Variants in C1D observed in about 807,000 individuals in gnomAD.
C1D encodes C1D nuclear receptor corepressor.
Under a neutral mutation model 17.5 loss-of-function variants are expected in C1D, and 10 were observed. The ratio of observed to expected loss-of-function variants is 0.57; its 90% CI spans 0.35 to 0.97. The LOEUF is 0.97. Ranked by LOEUF, C1D falls within the 50% of genes least tolerant of loss-of-function variation. The pLI is 0.01. For synonymous variants in C1D, 49 were observed against 54.0 expected (o/e 0.91, Z 0.40); for missense variants, 136 against 160.1 (o/e 0.85, Z 0.81).
intron 2 of C1D, 193 bp from the exon 3 acceptor site, chr2:68,046,603 CTT>C: frequency 2.0e-6 from 1 of 507,698 alleles, no homozygotes; most frequent in Non-Finnish European, 3.5e-6. Context: ...TAATGAGTGA[CTT>C]TTGTCCACAC....
chr2:68,042,838 G>GGGC lies in C1D; in HGVS notation c.*50_*51insGCC, dbSNP rs1558579125. 2.6e-6 allele frequency: 1 copy of GGGC among 377,416 alleles called. No individual in the cohort carries two copies. The highest frequency in any genetic ancestry group is 5.0e-5 in the East Asian group (1 of 20,038). 23.4% of individuals were successfully genotyped at this position (377,416 alleles called of 1,614,324 possible). A position where few individuals can be genotyped will look rare whatever the true frequency, so the allele number is the denominator to read the frequency against. On this transcript the variant is annotated 3_prime_UTR_variant, in exon 5 of 5. Transcript: ENST00000410067. ...CACAGAATTATTTTGCGGGGGGGGG[G>GGGC]GGGGGGGGGAAGATGTACTTTTTGA...
At chr2:68,060,974 T>C (rs903163636) in intron 1 of C1D, among the ~76,000 whole-genome samples, 1 of 152,142 alleles carries the variant, frequency 6.6e-6, no homozygotes, top group Admixed American at 6.5e-5. Context: ...AATATCAGAT[T>C]ACAGTTTGAG....
rs1329490227 is a variant in C1D, at chr2:68,041,864, T to G, written c.*1025A>C. 2 of 151,990 alleles carry G rather than the reference T, an allele frequency of 1.3e-5. No individual in the cohort carries two copies. Among genetic ancestry groups the G allele is most frequent in the Admixed American group, 6.5e-5 (1 of 15,270 alleles). 9.4% of individuals were successfully genotyped at this position (151,990 alleles called of 1,614,324 possible). A position where few individuals can be genotyped will look rare whatever the true frequency, so the allele number is the denominator to read the frequency against. ...GGCATATAATTAAAATTCATGGGCT[T>G]AGACATTTAAAAAAAGGTTTACTAT... is the stretch of plus-strand genomic sequence containing the variant. On this transcript the variant is annotated 3_prime_UTR_variant, in exon 5 of 5. Coordinates refer to ENST00000410067, the MANE Select transcript of C1D (RefSeq NM_173177.3).
rs1258665638 is a variant in C1D at position 68,047,232 on chromosome 2, C to T, written c.79G>A (p.Ala27Thr). ...YLSAFENSIGAVDEMLKTMMS... is the reference protein window; with the variant it reads ...YLSAFENSIGTVDEMLKTMMS... ...ATGGTCTTCAGCATCTCATCCACAG[C>T]ACCAATGGAATTCTCAAACGCTGAC... The change falls in exon 2 of 5, where the codon GCT (alanine) becomes ACT (threonine). Residue 27 changes from alanine to threonine, a missense_variant. Coordinates refer to ENST00000410067, the MANE Select transcript of C1D (RefSeq NM_173177.3). The T allele has an allele frequency of 1.9e-6, 3 of 1,612,428 alleles. No individual in the cohort carries two copies. The highest frequency in any genetic ancestry group is 1.7e-6 in the Non-Finnish European group (2 of 1,179,382).
At chr2:68,044,369 G>A (rs981130434) in intron 4 of C1D, among the ~76,000 whole-genome samples, 1 of 152,090 alleles carries the variant, frequency 6.6e-6, no homozygotes, top group Non-Finnish European at 1.5e-5. Context: ...TGATACATAC[G>A]GCAAATAAGT....
chr2:68,060,997 A>G (rs1671613940), intron 1 of C1D, among the ~76,000 whole-genome samples: 1 of 152,252 alleles, frequency 6.6e-6, no homozygotes. Context: ...TACAGATACT[A>G]GAAAGTCACC....
At chr2:68,052,926 G>T (rs1671331498) in intron 1 of C1D, 2 of 1,198,158 alleles carry the variant, frequency 1.7e-6, no homozygotes, top group Admixed American at 5.4e-5. Flanking sequence ...CTGATTATGT[G>T]CCAGGCACTA....
At chr2:68,054,364 T>A (rs1354772644) in intron 1 of C1D, among the ~76,000 whole-genome samples, 1 of 152,180 alleles carries the variant, frequency 6.6e-6, no homozygotes, top group Non-Finnish European at 1.5e-5. Flanking sequence ...AAGAGAGTTA[T>A]GGCAAGAAAC....
intron 4 of C1D, among the ~76,000 whole-genome samples, chr2:68,044,790 T>G (rs566109180): frequency 6.6e-6 from 1 of 152,180 alleles, no homozygotes; most frequent in Non-Finnish European, 1.5e-5. Flanking sequence ...AGAATATTAA[T>G]GTACTACTTC....
Position 68,043,048 on chromosome 2 carries a change from T to C in C1D, c.267A>G (p.Arg89=). 1.3e-6 allele frequency: 2 copies of C among 1,583,016 alleles called. No homozygotes were observed. The highest frequency in any genetic ancestry group is 2.7e-5 in the African/African-American group (2 of 73,048). ...TGACTCTGTTCATATATACTCTGAT[T>C]CTTTCCTTAAAGATAAAAAACAAAG... ...KEHPVKQELE[R]IRVYMNRVKE... The change falls in exon 5 of 5, where the codon AGA becomes AGG. Residue 89 remains arginine, a synonymous_variant. Transcript: ENST00000410067.
intron 1 of C1D, among the ~76,000 whole-genome samples, chr2:68,051,423 C>T (rs945220277): frequency 6.6e-6 from 1 of 152,088 alleles, no homozygotes; most frequent in Non-Finnish European, 1.5e-5. Flanking sequence ...TCTGGGAGGT[C>T]AAGATGGAAG....
chr2:68,061,916 C>A (rs1049629208), intron 1 of C1D, among the ~76,000 whole-genome samples: 4 of 152,136 alleles, frequency 2.6e-5, no homozygotes. Flanking sequence ...TTTGAAAAAC[C>A]GTTATTCACA....
rs1343078134 is a variant in C1D, at chr2:68,042,838, GGGGGGGGGGA to G, written c.*41_*50del. On this transcript the variant is annotated 3_prime_UTR_variant, in exon 5 of 5. Coordinates refer to ENST00000410067, the MANE Select transcript of C1D (RefSeq NM_173177.3). ...CACAGAATTATTTTGCGGGGGGGGGGGGGGGGGGGAAGATGTACTTTTTGAATATGTGTAC... is the reference window on the plus strand; with the variant it reads ...CACAGAATTATTTTGCGGGGGGGGGGAGATGTACTTTTTGAATATGTGTAC... 10 of 377,366 alleles carry G rather than the reference GGGGGGGGGGA, an allele frequency of 2.6e-5. 1 individual carries two copies. Among genetic ancestry groups the G allele is most frequent in the South Asian group, 8.7e-5 (3 of 34,550 alleles). 23.4% of individuals were successfully genotyped at this position (377,366 alleles called of 1,614,324 possible). A position where few individuals can be genotyped will look rare whatever the true frequency, so the allele number is the denominator to read the frequency against.
rs1369727763 is a variant in C1D, at chr2:68,046,038, A to T, written c.211T>A (p.Leu71Met). The change falls in exon 4 of 5, where the codon TTG (leucine) becomes ATG (methionine). Residue 71 changes from leucine to methionine, a missense_variant. Coordinates refer to ENST00000410067, the MANE Select transcript of C1D (RefSeq NM_173177.3). ...TTAGGATTAACTCCTTGGGTTGCCA[A>T]ATAAACTACAAGAGAAAAATTTCAT... ...YTLNSMFWVY[L>M]ATQGVNPKEH... is the part of the protein sequence containing the mutation. The T allele has an allele frequency of 2.5e-6, 4 of 1,584,118 alleles. No individual in the cohort carries two copies. In the African/African-American group the frequency reaches 4.1e-5, roughly 16 times the overall value.
At chr2:68,055,100 A>T (rs1336099402) in intron 1 of C1D, among the ~76,000 whole-genome samples, 1 of 152,212 alleles carries the variant, frequency 6.6e-6, no homozygotes, top group African/African-American at 2.4e-5. Flanking sequence ...TAACAGAACT[A>T]GACTTCAAAT....
intron 4 of C1D, among the ~76,000 whole-genome samples, chr2:68,043,335 G>C (rs148766607): frequency 6.6e-6 from 1 of 151,930 alleles, no homozygotes; most frequent in Non-Finnish European, 1.5e-5. Context: ...AATAAACATC[G>C]AATTGAAAGT....
At position 68,050,354 on chromosome 2, in the gene C1D, TTC is replaced by T. The variant is rs1468136675; in HGVS notation, c.-9-3037_-9-3036del. On this transcript the variant is annotated intron_variant, in intron 1 of 4. Transcript: ENST00000410067. ...ATCACCCCCCAGCTAAGGCCCCATTTTCTCTCTTTTACAACAAACTCCTCAAA... is the reference window on the plus strand; with the variant it reads ...ATCACCCCCCAGCTAAGGCCCCATTTTCTCTTTTACAACAAACTCCTCAAA... Among the ~76,000 whole-genome samples, 3 of 152,182 alleles carry T rather than the reference TTC, an allele frequency of 2.0e-5. No individual in the cohort carries two copies. The East Asian group carries it at 5.8e-4, about 29-fold the overall frequency.
At chr2:68,052,348 G>A (rs1437273656) in intron 1 of C1D, among the ~76,000 whole-genome samples, 1 of 151,988 alleles carries the variant, frequency 6.6e-6, no homozygotes, top group Non-Finnish European at 1.5e-5. Flanking sequence ...ATTCTTCATT[G>A]TTTACATTTC....
chr2:68,045,846 A>C, intron 4 of C1D, 142 bp downstream of exon 4: 1 of 563,792 alleles, frequency 1.8e-6, no homozygotes, highest in Non-Finnish European at 3.1e-6. Context: ...GAGAAAAAAA[A>C]ACCCAAAGAT....
Sources: gnomAD v4.1 joint callset for allele counts (sites outside exome capture counted in the v4.1 genomes callset) on GRCh38, gnomAD v4.1.1 for gene constraint, MANE v1.5 for transcripts, NCBI Gene and HGNC (gene_info 2026-07-23, HGNC 2026-07-21) for gene names.